TM7SF3: variants seen among roughly 807,000 people sequenced by gnomAD.
The protein encoded by TM7SF3 is transmembrane 7 superfamily member 3, also known as seven span transmembrane protein.
In TM7SF3, 60 loss-of-function variants were observed where a neutral mutation model predicts 65.5. That is an observed-to-expected ratio of 0.92 (90% CI 0.74 to 1.14). The LOEUF (loss-of-function observed/expected upper bound fraction) is 1.14. Ranked by LOEUF, TM7SF3 falls within the 50% of genes most tolerant of loss-of-function variation. The pLI is 0.00. For missense variants in TM7SF3, 623 were observed against 684.8 expected (o/e 0.91, Z 1.01); for synonymous variants, 264 against 259.6 (o/e 1.02, Z -0.16).
chr12:27,001,870 T>G (rs1471916272), intron 2 of TM7SF3, among the ~76,000 whole-genome samples: 1 of 152,228 alleles, frequency 6.6e-6, no homozygotes, highest in African/African-American at 2.4e-5. Context: ...CTAAGGAAGT[T>G]ATGAAATTTA....
At chr12:27,010,827 C>CT (rs1043338020) in intron 1 of TM7SF3, among the ~76,000 whole-genome samples, 11 of 152,232 alleles carry the variant, frequency 7.2e-5, no homozygotes, top group Admixed American at 1.3e-4. Context: ...CCCAGAATCA[C>CT]TTTTTCTTTC....
intron 1 of TM7SF3, among the ~76,000 whole-genome samples, chr12:27,013,296 G>C (rs954678608): frequency 1.3e-5 from 2 of 152,230 alleles, no homozygotes; most frequent in Non-Finnish European, 2.9e-5. Context: ...AGACAACAGA[G>C]AACACAGTTT....
intron 1 of TM7SF3, among the ~76,000 whole-genome samples, chr12:27,004,398 T>C (rs1399320486): frequency 6.6e-6 from 1 of 152,176 alleles, no homozygotes; most frequent in South Asian, 2.1e-4. Flanking sequence ...AGATTAAATA[T>C]AGATGAAAAG....
chr12:26,990,640 A>T lies in TM7SF3; in HGVS notation c.691-13T>A. On this transcript the variant is annotated splice_polypyrimidine_tract_variant and intron_variant, in intron 5 of 11. Coordinates refer to ENST00000343028, the MANE Select transcript of TM7SF3 (RefSeq NM_016551.3). ...TTAGGGTAACCACCTGAAGCCAAAA[A>T]TAACACATGATTAGTGTTTAGGGGA... is the stretch of plus-strand genomic sequence containing the variant. The T allele has an allele frequency of 6.2e-7, 1 of 1,609,596 alleles. No homozygotes were observed. Among genetic ancestry groups the T allele is most frequent in the Non-Finnish European group, 8.5e-7 (1 of 1,176,894 alleles).
rs181259057 is a variant in TM7SF3, at chr12:26,986,124, G to A, written c.869-3265C>T. ...ATTACAGGCGTGAGCCACCGCACCC[G>A]GCCTGCTTGGCCAAATTTCAGTCTC... On this transcript the variant is annotated intron_variant, in intron 6 of 11. Transcript: ENST00000343028. Among the ~76,000 whole-genome samples the A allele has an allele frequency of 9.5e-4, 145 of 151,948 alleles. 1 individual carries two copies. In the East Asian group the frequency reaches 0.015, roughly 15 times the overall value.
intron 5 of TM7SF3, 133 bp downstream of exon 5, chr12:26,995,104 A>G: frequency 2.2e-6 from 2 of 903,486 alleles, no homozygotes; most frequent in East Asian, 2.5e-5. Context: ...AGATGATAAC[A>G]AAAGAGAATA....
chr12:27,003,322 T>C lies in TM7SF3; in HGVS notation c.160A>G (p.Ile54Val), dbSNP rs570440716. Residue 54 changes from isoleucine (I) to valine (V), a missense_variant, in exon 2 of 12, where the codon ATT becomes GTT. Coordinates refer to ENST00000343028, the MANE Select transcript of TM7SF3 (RefSeq NM_016551.3). ...ACATTGCTTGAAATATCATGCAAAA[T>C]AGCTTCCTCTGGAAAGGGCCTATTG... The part of the protein sequence containing the change: ...ELNRPFPEEA[I>V]LHDISSNVTF... The C allele has an allele frequency of 2.5e-6, 4 of 1,613,746 alleles. No homozygotes were observed. Among genetic ancestry groups the C allele is most frequent in the African/African-American group, 1.3e-5 (1 of 75,036 alleles).
chr12:26,990,322 G>A, intron 6 of TM7SF3, 128 bp downstream of exon 6: 2 of 634,288 alleles, frequency 3.2e-6, no homozygotes. Context: ...CTATGTCCCA[G>A]TGCCTAGAAC....
chr12:26,978,947 A>G (rs183981462), intron 9 of TM7SF3: 19 of 151,954 alleles, frequency 1.3e-4, no homozygotes, highest in Admixed American at 3.3e-4. Context: ...AAACATCCCC[A>G]TGTGAATCTG....
At chr12:27,006,140 CTTTTTTT>C (rs71437315) in intron 1 of TM7SF3, among the ~76,000 whole-genome samples, 18 of 122,096 alleles carry the variant, frequency 1.5e-4, no homozygotes, top group Non-Finnish European at 2.6e-4. Flanking sequence ...TTTTCTTTTT[CTTTTTTT>C]TTTTTTTTTT....
At chr12:27,010,018 G>A (rs984204450) in intron 1 of TM7SF3, among the ~76,000 whole-genome samples, 5 of 152,088 alleles carry the variant, frequency 3.3e-5, no homozygotes, top group Admixed American at 2.0e-4. Flanking sequence ...ATGTTCCAAC[G>A]TCTAACACAG....
chr12:26,992,756 A>G (rs1312451100), intron 5 of TM7SF3, among the ~76,000 whole-genome samples: 1 of 152,204 alleles, frequency 6.6e-6, no homozygotes, highest in Non-Finnish European at 1.5e-5. Context: ...GAAATTATCA[A>G]AACTAAAATC....
intron 5 of TM7SF3, among the ~76,000 whole-genome samples, chr12:26,991,900 C>T (rs1206005240): frequency 6.6e-6 from 1 of 152,164 alleles, no homozygotes; most frequent in African/African-American, 2.4e-5. Flanking sequence ...TGTGCATGTC[C>T]TACCACAGTG....
At position 26,975,513 on chromosome 12, in the gene TM7SF3, AC is replaced by A; in HGVS notation, c.1432del (p.Val478CysfsTer19). On this transcript the variant is annotated frameshift_variant, in exon 11 of 12. Coordinates refer to ENST00000343028, the MANE Select transcript of TM7SF3 (RefSeq NM_016551.3). LOFTEE classifies it high-confidence loss of function. ...NKDFHRAFTN[V>X]PFQTNDFIIL... ...AGTCTTACCATTAGTTTGAAAAGGC[AC>A]ATTTGTGAAAGCTCTGTGGAAATCC... The A allele has an allele frequency of 6.2e-7, 1 of 1,614,120 alleles. No homozygotes were observed. Among genetic ancestry groups the A allele is most frequent in the Non-Finnish European group, 8.5e-7 (1 of 1,179,984 alleles).
At chr12:27,010,271 T>G (rs1941195515) in intron 1 of TM7SF3, among the ~76,000 whole-genome samples, 1 of 152,224 alleles carries the variant, frequency 6.6e-6, no homozygotes, top group Non-Finnish European at 1.5e-5. Flanking sequence ...CTTCACACAT[T>G]CATCTCCTTA....
chr12:27,010,882 C>T (rs767545878), intron 1 of TM7SF3, among the ~76,000 whole-genome samples: 2 of 152,168 alleles, frequency 1.3e-5, no homozygotes, highest in Non-Finnish European at 2.9e-5. Context: ...TAATACTTTC[C>T]TTTTTCTTTC....
chr12:27,012,995 C>T (rs1410908024), intron 1 of TM7SF3: 1 of 115,932 alleles, frequency 8.6e-6, no homozygotes, highest in African/African-American at 3.6e-5. Context: ...GAGACTCCGT[C>T]AAAAAAAAAA....
chr12:27,006,797 T>C (rs1463823125), intron 1 of TM7SF3, among the ~76,000 whole-genome samples: 1 of 152,236 alleles, frequency 6.6e-6, no homozygotes, highest in Non-Finnish European at 1.5e-5. Flanking sequence ...AGCTTTACCA[T>C]TTTAAAAGCT....
chr12:26,973,555 A>G lies in TM7SF3; in HGVS notation c.*410T>C, dbSNP rs556932442. ...CAAATACTGTCACAGATAAAGACTC[A>G]ATAATAAACTCCCTCCGAAAGTTTA... On this transcript the variant is annotated 3_prime_UTR_variant, in exon 12 of 12. Transcript: ENST00000343028. 6.3e-6 allele frequency: 1 copy of G among 158,818 alleles called. No homozygotes were observed. Among genetic ancestry groups the G allele is most frequent in the Admixed American group, 6.2e-5 (1 of 16,106 alleles). The allele number at this position is 158,818 out of a possible 1,614,324, so 9.8% of individuals were successfully genotyped here. A position where few individuals can be genotyped will look rare whatever the true frequency, so the allele number is the denominator to read the frequency against.
Sources: allele counts gnomAD v4.1 joint callset (sites outside exome capture counted in the v4.1 genomes callset), GRCh38; gene constraint gnomAD v4.1.1; transcripts MANE v1.5; gene names NCBI Gene and HGNC (gene_info 2026-07-23, HGNC 2026-07-21).